LRBA: variants seen among roughly 807,000 people sequenced by gnomAD.
LRBA encodes the protein lipopolysaccharide-responsive and beige-like anchor protein.
LRBA carries 176 observed loss-of-function variants against 330.0 expected under a neutral mutation model. The observed-to-expected ratio is 0.53, with a 90% CI of 0.47 to 0.60. The LOEUF is 0.60. Among genes scored for constraint, LRBA ranks in the 20% least tolerant of loss-of-function variants. The pLI, the probability that LRBA is intolerant of heterozygous loss-of-function variation, is 0.00. For synonymous variants in LRBA, 1,230 were observed against 1,193.0 expected (o/e 1.03, Z -0.64); for missense variants, 3,259 against 3,444.8 (o/e 0.95, Z 1.35).
At chr4:150,983,517 G>A (rs555338225) in intron 2 of LRBA, among the ~76,000 whole-genome samples, 9 of 144,378 alleles carry the variant, frequency 6.2e-5, no homozygotes, top group Admixed American at 4.3e-4. Flanking sequence ...GCAGTGGCAC[G>A]ATCTCAGCTC....
intron 47 of LRBA, among the ~76,000 whole-genome samples, chr4:150,350,652 C>T (rs761279572): frequency 7.2e-5 from 11 of 151,730 alleles, no homozygotes; most frequent in Non-Finnish European, 1.2e-4. Context: ...AGAGGCTTTC[C>T]GGCACTTGGC....
chr4:150,346,220 C>A (rs916998637), intron 48 of LRBA, among the ~76,000 whole-genome samples: 6 of 151,892 alleles, frequency 4.0e-5, no homozygotes, highest in Non-Finnish European at 7.4e-5. Context: ...CAAATACCTA[C>A]CATACTTAGA....
rs769867546 is a variant in LRBA at position 150,804,755 on chromosome 4, T to C, written c.5518+1516A>G. ...TAGCAACCACCTAATCCAAGCACTT[T>C]TGAATGCAAAAATTAATTCTATATC... is the stretch of plus-strand genomic sequence containing the variant. On this transcript the variant is annotated intron_variant, in intron 33 of 56. Coordinates refer to ENST00000651943, the MANE Select transcript of LRBA (RefSeq NM_001364905.1). Among the ~76,000 whole-genome samples the C allele has an allele frequency of 2.0e-5, 3 of 152,140 alleles. No homozygotes were observed. The South Asian group carries it at 6.2e-4, about 32-fold the overall frequency.
At chr4:150,814,992 G>C (rs1027849087) in intron 31 of LRBA, among the ~76,000 whole-genome samples, 5 of 151,906 alleles carry the variant, frequency 3.3e-5, no homozygotes, top group Admixed American at 2.0e-4. Context: ...TATCTCTTCT[G>C]AAAACTCCAA....
intron 36 of LRBA, among the ~76,000 whole-genome samples, chr4:150,705,234 A>G (rs1175591764): frequency 2.6e-5 from 4 of 152,164 alleles, no homozygotes; most frequent in African/African-American, 9.6e-5. Flanking sequence ...GCTTTTATTA[A>G]TAAAGCTAAT....
chr4:150,926,656 A>T (rs2149504550), intron 4 of LRBA, among the ~76,000 whole-genome samples: 1 of 152,338 alleles, frequency 6.6e-6, no homozygotes. Context: ...GACCTAGAAA[A>T]TGACATTCTA....
intron 40 of LRBA, among the ~76,000 whole-genome samples, chr4:150,497,771 G>C (rs1561263756): frequency 6.6e-6 from 1 of 152,094 alleles, no homozygotes; most frequent in Non-Finnish European, 1.5e-5. Flanking sequence ...GTTGGGAGGG[G>C]CAAGAGGGGA....
At chr4:150,746,233 T>A (rs1257610011) in intron 35 of LRBA, among the ~76,000 whole-genome samples, 1 of 152,196 alleles carries the variant, frequency 6.6e-6, no homozygotes, top group East Asian at 1.9e-4. Context: ...CATACTATAA[T>A]ACTTGTATAT....
At chr4:150,863,480 G>A (rs6849588) in intron 22 of LRBA, among the ~76,000 whole-genome samples, 2,956 of 152,154 alleles carry the variant, frequency 0.019, 42 homozygotes, top group Middle Eastern at 0.068. Context: ...TGGCCAATAT[G>A]GCGAAACACC....
At chr4:150,996,827 A>C (rs1742703558) in intron 2 of LRBA, among the ~76,000 whole-genome samples, 1 of 152,182 alleles carries the variant, frequency 6.6e-6, no homozygotes, top group Non-Finnish European at 1.5e-5. Flanking sequence ...CTTACTAACT[A>C]TGACACTTGA....
intron 31 of LRBA, among the ~76,000 whole-genome samples, chr4:150,810,774 A>G (rs77415685): frequency 6.6e-6 from 1 of 151,232 alleles, no homozygotes; most frequent in Non-Finnish European, 1.5e-5. Context: ...GCTATTTTCT[A>G]TTTTTTTTGT....
chr4:150,500,323 C>T (rs1246872421), intron 40 of LRBA, among the ~76,000 whole-genome samples: 1 of 151,462 alleles, frequency 6.6e-6, no homozygotes, highest in Non-Finnish European at 1.5e-5. Flanking sequence ...GTCTGTAATC[C>T]CAGCACTTTG....
intron 40 of LRBA, among the ~76,000 whole-genome samples, chr4:150,570,452 C>A (rs1483457569): frequency 6.6e-6 from 1 of 151,934 alleles, no homozygotes; most frequent in Non-Finnish European, 1.5e-5. Context: ...ACATGTCAGG[C>A]CAATAAGATG....
intron 36 of LRBA, among the ~76,000 whole-genome samples, chr4:150,728,803 G>A (rs936604837): frequency 6.6e-6 from 1 of 152,092 alleles, no homozygotes; most frequent in Non-Finnish European, 1.5e-5. Context: ...ACAAGAACAT[G>A]TACTTTCACC....
rs1275662791 is a variant in LRBA, at chr4:150,850,748, T to C, written c.3980A>G (p.Glu1327Gly). ...RLLTDLLFSI[E>G]TDIQMWRSHS... The stretch of plus-strand genomic sequence containing the variant: ...CCTTCTCCACATCTGTATATCTGTT[T>C]CTATTGAAAATAATAGATCAGTGAG... The change falls in exon 24 of 57, where the codon GAA (glutamate) becomes GGA (glycine). Residue 1327 changes from glutamate (E) to glycine (G), a missense_variant. Transcript: ENST00000651943. 6.2e-7 allele frequency: 1 copy of C among 1,612,818 alleles called. No homozygotes were observed. The highest frequency in any genetic ancestry group is 8.5e-7 in the Non-Finnish European group (1 of 1,179,060).
At chr4:150,907,042 C>T (rs1731406469) in intron 11 of LRBA, among the ~76,000 whole-genome samples, 1 of 150,476 alleles carries the variant, frequency 6.6e-6, no homozygotes, top group Non-Finnish European at 1.5e-5. Context: ...GGGGCTACAG[C>T]CATGCTCTAC....
intron 34 of LRBA, among the ~76,000 whole-genome samples, chr4:150,768,684 CTG>C (rs1394144230): frequency 6.6e-5 from 10 of 150,842 alleles, no homozygotes; most frequent in Admixed American, 4.0e-4. Context: ...TAGATTTTCT[CTG>C]TGTTATGCTT....
At chr4:150,299,357 T>C (rs1279051605) in intron 53 of LRBA, among the ~76,000 whole-genome samples, 1 of 152,040 alleles carries the variant, frequency 6.6e-6, no homozygotes, top group Non-Finnish European at 1.5e-5. Flanking sequence ...TACAAAACAA[T>C]AGAGTCAAAG....
At chr4:150,629,995 C>T (rs1777218853) in intron 37 of LRBA, among the ~76,000 whole-genome samples, 1 of 152,012 alleles carries the variant, frequency 6.6e-6, no homozygotes, top group South Asian at 2.1e-4. Context: ...ACAACAAAAA[C>T]ATATTGCAAA....
Sources: gnomAD v4.1 joint callset for allele counts (sites outside exome capture counted in the v4.1 genomes callset) on GRCh38, gnomAD v4.1.1 for gene constraint, MANE v1.5 for transcripts, NCBI Gene and HGNC (gene_info 2026-07-23, HGNC 2026-07-21) for gene names.